Variants in AKAP19 observed in about 807,000 individuals in gnomAD.
The protein encoded by AKAP19 is small A-kinase anchoring protein.
chr2:190,016,434 G>A, the AKAP19 span, among the ~76,000 whole-genome samples: 1 of 152,130 alleles, frequency 6.6e-6, no homozygotes, highest in Non-Finnish European at 1.5e-5. Context: ...ACAGCATGGG[G>A]GACACCAACC....
chr2:189,880,440 C>T, the AKAP19 span, among the ~76,000 whole-genome samples: 1 of 152,128 alleles, frequency 6.6e-6, no homozygotes, highest in African/African-American at 2.4e-5. Context: ...GTATGCCTTT[C>T]TCCAAAGATG....
chr2:190,057,498 A>T, the AKAP19 span: 14 of 1,613,548 alleles, frequency 8.7e-6, no homozygotes, highest in Non-Finnish European at 8.5e-6. Flanking sequence ...CGATAATCCA[A>T]TCCCATCCAA....
chr2:190,033,048 T>G, the AKAP19 span, among the ~76,000 whole-genome samples: 13 of 152,282 alleles, frequency 8.5e-5, no homozygotes, highest in African/African-American at 3.1e-4. Context: ...AAAGGATTGA[T>G]TCTCACTGGT....
At chr2:190,153,450 A>T in the AKAP19 span, among the ~76,000 whole-genome samples, 1 of 152,134 alleles carries the variant, frequency 6.6e-6, no homozygotes, top group South Asian at 2.1e-4. Flanking sequence ...AGTAGTGGTG[A>T]TTTTGGGCAT....
the AKAP19 span, among the ~76,000 whole-genome samples, chr2:190,085,382 A>G: frequency 1.4e-3 from 217 of 152,298 alleles, no homozygotes; most frequent in African/African-American, 5.1e-3. Flanking sequence ...CTTAACTGTC[A>G]TTTTTAACAC....
At chr2:190,104,664 C>T in the AKAP19 span, among the ~76,000 whole-genome samples, 1 of 152,008 alleles carries the variant, frequency 6.6e-6, no homozygotes, top group Non-Finnish European at 1.5e-5. Context: ...GTGGTGTGTG[C>T]CTGTAGTCCC....
chr2:190,171,392 C>T, the AKAP19 span, among the ~76,000 whole-genome samples: 1 of 152,164 alleles, frequency 6.6e-6, no homozygotes, highest in Non-Finnish European at 1.5e-5. Context: ...TCTTAGAGGT[C>T]CTCCAAAACT....
At chr2:189,985,788 G>C in the AKAP19 span, among the ~76,000 whole-genome samples, 1 of 152,252 alleles carries the variant, frequency 6.6e-6, no homozygotes, top group Non-Finnish European at 1.5e-5. Context: ...GCTAATGAAT[G>C]GGTGTTTTTT....
chr2:190,012,921 A>G, the AKAP19 span, among the ~76,000 whole-genome samples: 1 of 152,136 alleles, frequency 6.6e-6, no homozygotes, highest in Non-Finnish European at 1.5e-5. Context: ...TTGTAGATTT[A>G]TGTATCTTGA....
chr2:190,138,388 C>G, the AKAP19 span, among the ~76,000 whole-genome samples: 2 of 152,186 alleles, frequency 1.3e-5, no homozygotes, highest in Non-Finnish European at 2.9e-5. Context: ...AAGGAGTATA[C>G]AGTAAGTACT....
At chr2:189,966,788 G>A in the AKAP19 span, among the ~76,000 whole-genome samples, 4 of 152,240 alleles carry the variant, frequency 2.6e-5, no homozygotes, top group Non-Finnish European at 4.4e-5. Flanking sequence ...TTAGTGGAAC[G>A]TGCATAGAGA....
the AKAP19 span, among the ~76,000 whole-genome samples, chr2:189,944,495 G>T: frequency 1.3e-5 from 2 of 152,066 alleles, no homozygotes; most frequent in Admixed American, 6.6e-5. Context: ...CCCACCTCGG[G>T]TATTTCTTTA....
the AKAP19 span, chr2:190,202,362 A>G: frequency 6.0e-6 from 1 of 167,062 alleles, no homozygotes; most frequent in Non-Finnish European, 1.5e-5. Context: ...TATATGAACT[A>G]CAAGGCTTGC....
chr2:189,948,494 C>A, the AKAP19 span, among the ~76,000 whole-genome samples: 1 of 152,164 alleles, frequency 6.6e-6, no homozygotes, highest in Non-Finnish European at 1.5e-5. Context: ...CACAGTTTTG[C>A]TCCCCTGCAT....
the AKAP19 span, among the ~76,000 whole-genome samples, chr2:190,191,791 A>G: frequency 9.9e-5 from 15 of 152,150 alleles, no homozygotes; most frequent in Non-Finnish European, 1.8e-4. Context: ...AAATCTTTCA[A>G]ATCTCGTTTT....
the AKAP19 span, chr2:190,150,542 T>A: frequency 6.6e-6 from 1 of 152,374 alleles, no homozygotes; most frequent in Non-Finnish European, 1.5e-5. Flanking sequence ...ATTCTGCAGT[T>A]GGGGGACTTA....
the AKAP19 span, among the ~76,000 whole-genome samples, chr2:190,123,240 A>G: frequency 6.6e-6 from 1 of 152,146 alleles, no homozygotes; most frequent in African/African-American, 2.4e-5. Flanking sequence ...TTAAGCATAT[A>G]TTTAAGAATT....
the AKAP19 span, among the ~76,000 whole-genome samples, chr2:189,967,292 A>G: frequency 6.6e-6 from 1 of 152,122 alleles, no homozygotes; most frequent in Admixed American, 6.5e-5. Flanking sequence ...GGAATAGGGA[A>G]CCTAGGTTGT....
At chr2:190,117,509 G>A in the AKAP19 span, among the ~76,000 whole-genome samples, 3 of 152,028 alleles carry the variant, frequency 2.0e-5, no homozygotes, top group South Asian at 2.1e-4. Context: ...TTAGAGTTTC[G>A]CAATACATGT....
Sources: gnomAD v4.1 joint callset for allele counts (sites outside exome capture counted in the v4.1 genomes callset) on GRCh38, gnomAD v4.1.1 for gene constraint, MANE v1.5 for transcripts, NCBI Gene and HGNC (gene_info 2026-07-23, HGNC 2026-07-21) for gene names.